Variants in SOX6 observed in about 807,000 individuals in gnomAD.
SOX6 encodes SRY-box transcription factor 6.
A neutral mutation model predicts 97.8 loss-of-function variants in SOX6; 11 were observed. The ratio of observed to expected loss-of-function variants is 0.11; its 90% CI spans 0.07 to 0.19. SOX6 has a LOEUF of 0.19. Among genes scored for constraint, SOX6 ranks in the 10% least tolerant of loss-of-function variants. The pLI, the probability that SOX6 is intolerant of heterozygous loss-of-function variation, is 1.00. For missense variants in SOX6, 810 were observed against 1,039.5 expected (o/e 0.78, Z 3.04); for synonymous variants, 360 against 371.4 (o/e 0.97, Z 0.35).
chr11:16,604,813 C>A (rs1212013106), intron 4 of SOX6, among the ~76,000 whole-genome samples: 2 of 152,218 alleles, frequency 1.3e-5, no homozygotes, highest in Non-Finnish European at 2.9e-5. Flanking sequence ...AAACTTGGTC[C>A]GCCTAAGAGA....
intron 4 of SOX6, among the ~76,000 whole-genome samples, chr11:16,228,367 T>C (rs1405087931): frequency 6.6e-6 from 1 of 152,196 alleles, no homozygotes; most frequent in Non-Finnish European, 1.5e-5. Context: ...TGATTTTAGA[T>C]GACTACTATT....
intron 4 of SOX6, among the ~76,000 whole-genome samples, chr11:16,545,344 CAAAA>C (rs71455887): frequency 1.7e-5 from 2 of 121,210 alleles, no homozygotes; most frequent in Non-Finnish European, 3.5e-5. Flanking sequence ...AGTCCAAGCC[CAAAA>C]AAAAAAAAAA....
chr11:16,006,395 T>C (rs1430788814), intron 13 of SOX6, among the ~76,000 whole-genome samples: 3 of 152,048 alleles, frequency 2.0e-5, no homozygotes, highest in African/African-American at 7.2e-5. Context: ...TCTATTTCTG[T>C]AGCATACTCA....
At chr11:16,253,736 T>C (rs1250548188) in intron 3 of SOX6, among the ~76,000 whole-genome samples, 17 of 151,524 alleles carry the variant, frequency 1.1e-4, no homozygotes, top group Admixed American at 1.1e-3. Context: ...CTACAAATGG[T>C]ATATCATATG....
chr11:16,670,407 G>A (rs1048408548), intron 3 of SOX6, among the ~76,000 whole-genome samples: 1 of 152,088 alleles, frequency 6.6e-6, no homozygotes, highest in Non-Finnish European at 1.5e-5. Context: ...AACACCCCCA[G>A]TAACAGTGAC....
Position 15,967,783 on chromosome 11 carries a change from A to G in SOX6, c.*5026T>C, listed in dbSNP as rs1304597883. On this transcript the variant is annotated 3_prime_UTR_variant, in exon 16 of 16. Coordinates refer to ENST00000683767, the MANE Select transcript of SOX6 (RefSeq NM_001367873.1). Reference sequence around the variant, plus strand: ...CACTTTATGCTTGTGGTTCTTCAGGAATAAGAAACTACTGAGCAAGATATG... The same window carrying G: ...CACTTTATGCTTGTGGTTCTTCAGGGATAAGAAACTACTGAGCAAGATATG... 5 of 152,196 alleles carry G rather than the reference A, an allele frequency of 3.3e-5. No individual in the cohort carries two copies. Among genetic ancestry groups the G allele is most frequent in the African/African-American group, 1.2e-4 (5 of 41,446 alleles). 9.4% of individuals were successfully genotyped at this position (152,196 alleles called of 1,614,324 possible).
chr11:16,322,377 C>T (rs757065181), intron 2 of SOX6, among the ~76,000 whole-genome samples: 3 of 152,158 alleles, frequency 2.0e-5, no homozygotes, highest in Non-Finnish European at 2.9e-5. Context: ...TAAGATGCGC[C>T]TGCTTCCCCT....
chr11:16,148,762 A>G (rs891091250), intron 6 of SOX6, among the ~76,000 whole-genome samples: 6 of 151,998 alleles, frequency 3.9e-5, no homozygotes, highest in Non-Finnish European at 8.8e-5. Context: ...TAGCCAATAT[A>G]ATGTCAACAC....
intron 4 of SOX6, among the ~76,000 whole-genome samples, chr11:16,509,359 C>G (rs1415028118): frequency 6.6e-6 from 1 of 151,902 alleles, no homozygotes; most frequent in East Asian, 1.9e-4. Flanking sequence ...ACAGTTAATG[C>G]TATTTATGCT....
chr11:16,281,323 A>C (rs1247610269), intron 3 of SOX6, among the ~76,000 whole-genome samples: 1 of 152,088 alleles, frequency 6.6e-6, no homozygotes, highest in African/African-American at 2.4e-5. Context: ...TCTCCGAGTA[A>C]CAGAGACCCC....
intron 6 of SOX6, among the ~76,000 whole-genome samples, chr11:16,143,546 C>T (rs998110405): frequency 6.6e-6 from 1 of 152,108 alleles, no homozygotes; most frequent in Non-Finnish European, 1.5e-5. Flanking sequence ...AATTAAAAGA[C>T]ACAGATTGGC....
chr11:16,246,569 T>C (rs1306059936), intron 3 of SOX6, among the ~76,000 whole-genome samples: 2 of 151,932 alleles, frequency 1.3e-5, no homozygotes, highest in African/African-American at 2.4e-5. Flanking sequence ...TTGTGATATC[T>C]AACTGAATTG....
At chr11:16,576,857 C>T (rs1407153573) in intron 4 of SOX6, 1 of 152,170 alleles carries the variant, frequency 6.6e-6, no homozygotes, top group African/African-American at 2.4e-5. Context: ...AATAACTGCG[C>T]ATGGTGGCAT....
At chr11:16,538,634 C>A (rs1023459362) in intron 4 of SOX6, among the ~76,000 whole-genome samples, 16 of 151,674 alleles carry the variant, frequency 1.1e-4, no homozygotes, top group African/African-American at 3.9e-4. Context: ...AGAAGATCTA[C>A]AAAGCAAATG....
At chr11:16,107,405 GTATATA>G (rs773217756) in intron 7 of SOX6, among the ~76,000 whole-genome samples, 1 of 138,866 alleles carries the variant, frequency 7.2e-6, no homozygotes, top group Non-Finnish European at 1.5e-5. Context: ...GTATATATAT[GTATATA>G]TATATACATA....
At chr11:16,304,176 A>G (rs1265901246) in intron 3 of SOX6, among the ~76,000 whole-genome samples, 3 of 152,162 alleles carry the variant, frequency 2.0e-5, no homozygotes, top group Non-Finnish European at 4.4e-5. Flanking sequence ...TCGGTCTTCC[A>G]AAGTGCTGGG....
chr11:16,652,814 G>C (rs995070873), intron 3 of SOX6, among the ~76,000 whole-genome samples: 1 of 152,088 alleles, frequency 6.6e-6, no homozygotes. Context: ...ATAACCAGCA[G>C]AGTCAATAGA....
At chr11:16,150,040 G>A (rs1850420807) in intron 6 of SOX6, among the ~76,000 whole-genome samples, 4 of 152,166 alleles carry the variant, frequency 2.6e-5, no homozygotes. Context: ...AGATTATCTA[G>A]TTACTTAATT....
At chr11:16,662,970 T>C (rs1847777483) in intron 3 of SOX6, among the ~76,000 whole-genome samples, 1 of 151,652 alleles carries the variant, frequency 6.6e-6, no homozygotes, top group Non-Finnish European at 1.5e-5. Context: ...GGATTATACG[T>C]GTAAGCCACC....
Sources: allele counts gnomAD v4.1 joint callset (sites outside exome capture counted in the v4.1 genomes callset), GRCh38; gene constraint gnomAD v4.1.1; transcripts MANE v1.5; gene names NCBI Gene and HGNC (gene_info 2026-07-23, HGNC 2026-07-21).